The following KCNH7 variants were observed in gnomAD, a reference collection of about 807,000 sequenced individuals.
KCNH7 encodes the protein potassium voltage-gated channel subfamily H member 7.
In KCNH7, 49 loss-of-function variants were observed where a neutral mutation model predicts 120.8. That is an observed-to-expected ratio of 0.41 (90% CI 0.32 to 0.51). The LOEUF is 0.51. KCNH7 is among the 20% of genes least tolerant of loss of function. The pLI is 0.38. For missense variants in KCNH7, 1,097 were observed against 1,446.6 expected, an observed-to-expected ratio of 0.76 and a Z score of 3.92; for synonymous variants, 547 against 516.1, an observed-to-expected ratio of 1.06 and a Z score of -0.81.
intron 2 of KCNH7, among the ~76,000 whole-genome samples, chr2:162,604,119 T>C (rs1160778535): frequency 6.6e-6 from 1 of 152,120 alleles, no homozygotes; most frequent in Non-Finnish European, 1.5e-5. Context: ...AGGAATTCTA[T>C]CTGAAATTAA....
intron 6 of KCNH7, among the ~76,000 whole-genome samples, chr2:162,497,578 G>C (rs915786562): frequency 1.3e-5 from 2 of 152,082 alleles, no homozygotes; most frequent in Admixed American, 6.6e-5. Context: ...GGGACAAATG[G>C]GGAAACAGAA....
rs1290946920 is a variant in KCNH7, at chr2:162,599,569, T to G, written c.308-62489A>C. On this transcript the variant is annotated intron_variant, in intron 2 of 15. Transcript: ENST00000332142. ...GTATTCCAAAATTTCCAAATTGTTT[T>G]ATTAATGCTTCCTAACTTTTTATAT... Among the ~76,000 whole-genome samples, 5 of 152,170 alleles carry G rather than the reference T, an allele frequency of 3.3e-5. No individual in the cohort carries two copies. In the East Asian group the frequency reaches 9.7e-4, roughly 29 times the overall value.
chr2:162,743,890 T>C (rs576983087), intron 2 of KCNH7, among the ~76,000 whole-genome samples: 6 of 152,232 alleles, frequency 3.9e-5, no homozygotes, highest in Middle Eastern at 3.4e-3. Flanking sequence ...TTTTCATATA[T>C]AATACTAGTG....
intron 2 of KCNH7, among the ~76,000 whole-genome samples, chr2:162,716,919 C>G (rs1687142826): frequency 6.6e-6 from 1 of 152,022 alleles, no homozygotes; most frequent in Non-Finnish European, 1.5e-5. Context: ...TTAAAAATGT[C>G]TTTAGGGAAC....
chr2:162,765,063 A>G (rs1682733724), intron 2 of KCNH7, among the ~76,000 whole-genome samples: 1 of 152,166 alleles, frequency 6.6e-6, no homozygotes, highest in African/African-American at 2.4e-5. Context: ...TAACCAGGAG[A>G]AGGGTAAGGA....
In KCNH7 at chr2:162,647,041, G is replaced by A. The variant is rs188288673; in HGVS notation, c.308-109961C>T. On this transcript the variant is annotated intron_variant, in intron 2 of 15. Transcript: ENST00000332142. ...TACATACAGACTTTGTCTAAAGTCG[G>A]TCAGTAGTACCAATAAATACAGAGG... Among the ~76,000 whole-genome samples the A allele has an allele frequency of 4.5e-4, 68 of 152,280 alleles. 1 individual carries two copies. In the South Asian group the frequency reaches 6.6e-3, roughly 15 times the overall value.
At chr2:162,720,132 A>AGCAACTGTTT (rs142982131) in intron 2 of KCNH7, among the ~76,000 whole-genome samples, 1 of 152,120 alleles carries the variant, frequency 6.6e-6, no homozygotes, top group African/African-American at 2.4e-5. Flanking sequence ...GCATCTCTAC[A>AGCAACTGTTT]GCAACTGTTT....
intron 13 of KCNH7, 93 bp downstream of exon 13, chr2:162,384,595 T>G (rs1292185455): frequency 8.4e-7 from 1 of 1,185,442 alleles, no homozygotes; most frequent in South Asian, 1.4e-5. Flanking sequence ...ACAATTAGAT[T>G]AACATGTGTC....
At chr2:162,795,219 A>C (rs1388551661) in intron 2 of KCNH7, among the ~76,000 whole-genome samples, 1 of 152,090 alleles carries the variant, frequency 6.6e-6, no homozygotes, top group Non-Finnish European at 1.5e-5. Context: ...AATTGCTATT[A>C]AAATCTTTTT....
chr2:162,524,853 G>T (rs905590220), intron 3 of KCNH7, among the ~76,000 whole-genome samples: 2 of 151,926 alleles, frequency 1.3e-5, no homozygotes, highest in Non-Finnish European at 2.9e-5. Context: ...TACATATGTA[G>T]GAAGGTATAT....
At chr2:162,675,708 A>T (rs976912711) in intron 2 of KCNH7, among the ~76,000 whole-genome samples, 1 of 151,534 alleles carries the variant, frequency 6.6e-6, no homozygotes, top group African/African-American at 2.4e-5. Context: ...ATTACTTTTT[A>T]AAAAATGAGA....
At chr2:162,642,322 A>G (rs1406052986) in intron 2 of KCNH7, among the ~76,000 whole-genome samples, 1 of 152,174 alleles carries the variant, frequency 6.6e-6, no homozygotes, top group African/African-American at 2.4e-5. Context: ...TTGCCATTTA[A>G]TATTTATTAT....
At chr2:162,724,479 C>T (rs1056647106) in intron 2 of KCNH7, among the ~76,000 whole-genome samples, 7 of 151,204 alleles carry the variant, frequency 4.6e-5, no homozygotes, top group Non-Finnish European at 7.4e-5. Context: ...GAGACCATCC[C>T]GGCTAAAAAG....
intron 14 of KCNH7, among the ~76,000 whole-genome samples, chr2:162,377,932 A>G (rs1686269807): frequency 6.6e-6 from 1 of 152,196 alleles, no homozygotes; most frequent in Admixed American, 6.5e-5. Context: ...TTGCACGCCA[A>G]ATGGATCATA....
At chr2:162,515,642 T>C (rs1574052204) in intron 4 of KCNH7, among the ~76,000 whole-genome samples, 2 of 151,938 alleles carry the variant, frequency 1.3e-5, no homozygotes, top group Admixed American at 6.6e-5. Context: ...ATTGAATTTA[T>C]TGTTGCTGTT....
At chr2:162,693,575 G>A (rs989777919) in intron 2 of KCNH7, among the ~76,000 whole-genome samples, 15 of 152,288 alleles carry the variant, frequency 9.8e-5, no homozygotes, top group Admixed American at 2.6e-4. Flanking sequence ...GAGTTAGGAC[G>A]TTAGCACATA....
chr2:162,501,372 C>T (rs917836631), intron 6 of KCNH7, among the ~76,000 whole-genome samples: 1 of 152,006 alleles, frequency 6.6e-6, no homozygotes, highest in African/African-American at 2.4e-5. Flanking sequence ...TTGCCTGTAT[C>T]ATACCTCTCC....
chr2:162,478,395 A>C (rs1689817326), intron 6 of KCNH7, among the ~76,000 whole-genome samples: 1 of 152,124 alleles, frequency 6.6e-6, no homozygotes, highest in Non-Finnish European at 1.5e-5. Flanking sequence ...ACCATGTATT[A>C]CCTCAGTGAT....
At chr2:162,765,613 A>G (rs1251712903) in intron 2 of KCNH7, among the ~76,000 whole-genome samples, 2 of 152,182 alleles carry the variant, frequency 1.3e-5, no homozygotes, top group East Asian at 1.9e-4. Context: ...AATTTAATAG[A>G]GGGGGTGATA....
Sources: allele counts gnomAD v4.1 joint callset (sites outside exome capture counted in the v4.1 genomes callset), GRCh38; gene constraint gnomAD v4.1.1; transcripts MANE v1.5; gene names NCBI Gene and HGNC (gene_info 2026-07-23, HGNC 2026-07-21).